The following ENC1 variants were observed in gnomAD, a reference collection of about 807,000 sequenced individuals.
The protein encoded by ENC1 is ectoderm-neural cortex protein 1.
A neutral mutation model predicts 40.9 loss-of-function variants in ENC1; 19 were observed. The observed-to-expected ratio is 0.46, with a 90% CI of 0.32 to 0.68. The LOEUF is 0.68. Among genes scored for constraint, ENC1 ranks in the 30% least tolerant of loss-of-function variants. ENC1 has a pLI of 0.03. For synonymous variants in ENC1, 285 were observed against 291.1 expected (o/e 0.98, Z 0.21); for missense variants, 479 against 737.5 (o/e 0.65, Z 4.06).
intron 2 of ENC1, chr5:74,632,323 TATCTCAA>T (rs1164449513): frequency 6.6e-6 from 1 of 152,244 alleles, no homozygotes; most frequent in African/African-American, 2.4e-5. Flanking sequence ...CATGCATTCA[TATCTCAA>T]ATGAAATAAC....
chr5:74,634,937 G>T lies in ENC1; in HGVS notation c.1549C>A (p.Gln517Lys). The T allele has an allele frequency of 6.2e-7, 1 of 1,614,076 alleles. No individual in the cohort carries two copies. The highest frequency in any genetic ancestry group is 1.1e-5 in the South Asian group (1 of 91,066). ...GTCACATCTCCCACCTTGGTCCACTGGTAAGTCTCACTGTTGAATTTATAA... is the reference window on the plus strand; with the variant it reads ...GTCACATCTCCCACCTTGGTCCACTTGTAAGTCTCACTGTTGAATTTATAA... ...SAYKFNSETY[Q>K]WTKVGDVTAK... Residue 517 changes from glutamine to lysine, a missense_variant, in exon 2 of 3, where the codon CAG (glutamine) becomes AAG (lysine). Coordinates refer to ENST00000302351, the MANE Select transcript of ENC1 (RefSeq NM_003633.4).
chr5:74,638,519 T>C (rs1747695121), intron 1 of ENC1, among the ~76,000 whole-genome samples: 1 of 152,168 alleles, frequency 6.6e-6, no homozygotes. Flanking sequence ...ACTTGAGATA[T>C]AAAAAATGGT....
At chr5:74,631,804 T>C (rs1449674319) in intron 2 of ENC1, among the ~76,000 whole-genome samples, 1 of 152,152 alleles carries the variant, frequency 6.6e-6, no homozygotes, top group East Asian at 1.9e-4. Context: ...CACTCTGGGC[T>C]GAAAAAGGAG....
chr5:74,635,577 CT>C lies in ENC1; in HGVS notation c.908del (p.Gln303ArgfsTer11). On this transcript the variant is annotated frameshift_variant, in exon 2 of 3. Transcript: ENST00000302351. LOFTEE classifies it high-confidence loss of function. The surrounding 1 kb of genome is among the most constrained non-coding windows in gnomAD (Gnocchi z 5.5). ...TGHALFLLGG[Q>X]TFMCDKLYLV... ...GATACAACTTGTCACACATGAAAGTCTGTCCTCCCAGAAGGAAGAGGGCATG... is the reference window on the plus strand; with the variant it reads ...GATACAACTTGTCACACATGAAAGTCGTCCTCCCAGAAGGAAGAGGGCATG... The C allele has an allele frequency of 6.2e-7, 1 of 1,614,240 alleles. No homozygotes were observed. Among genetic ancestry groups the C allele is most frequent in the Non-Finnish European group, 8.5e-7 (1 of 1,180,050 alleles).
At chr5:74,637,290 T>C (rs1747636719) in intron 1 of ENC1, among the ~76,000 whole-genome samples, 2 of 152,176 alleles carry the variant, frequency 1.3e-5, no homozygotes, top group Admixed American at 1.3e-4. Flanking sequence ...TAATTTTTTG[T>C]ATTTTTTGTA....
Position 74,635,265 on chromosome 5 carries a change from G to A in ENC1, c.1221C>T (p.Pro407=), listed in dbSNP as rs765020924. Residue 407 remains proline (P), a synonymous_variant, in exon 2 of 3, where the codon CCC becomes CCT. Transcript: ENST00000302351. This position sits in a 1 kb window ranked among gnomAD's most constrained non-coding sequence, Gnocchi z 5.5. ...GTTCTACCTGCTTTAGAGAGACTGA[G>A]GGGGAGGCCGGGAGGCAGCCAGTTG... ...TAATGCLPAS[P]SVSLKQVEHY... 2.5e-6 allele frequency: 4 copies of A among 1,614,210 alleles called. No homozygotes were observed. The South Asian group carries it at 3.3e-5, about 13-fold the overall frequency.
In ENC1 at chr5:74,635,291, C is replaced by A; in HGVS notation, c.1195G>T (p.Ala399Ser). Reference protein sequence around the residue: ...CLYVVGGHTAATGCLPASPSV... With the variant: ...CLYVVGGHTASTGCLPASPSV... ...GGGGAGGCCGGGAGGCAGCCAGTTG[C>A]GGCCGTGTGCCCCCCAACCACATAC... The change falls in exon 2 of 3, where the codon GCA becomes TCA. Residue 399 changes from alanine to serine, a missense_variant. By Grantham distance (99) the Ala-to-Ser change is moderately conservative. Transcript: ENST00000302351. The surrounding 1 kb of genome is among the most constrained non-coding windows in gnomAD (Gnocchi z 5.5). The A allele has an allele frequency of 6.2e-7, 1 of 1,614,188 alleles. No homozygotes were observed. The highest frequency in any genetic ancestry group is 8.5e-7 in the Non-Finnish European group (1 of 1,180,036).
chr5:74,635,347 C>G lies in ENC1; in HGVS notation c.1139G>C (p.Gly380Ala), dbSNP rs1747542647. The G allele has an allele frequency of 6.2e-7, 1 of 1,614,174 alleles. No individual in the cohort carries two copies. The highest frequency in any genetic ancestry group is 8.5e-7 in the Non-Finnish European group (1 of 1,180,042). Residue 380 changes from glycine (G) to alanine (A), a missense_variant, in exon 2 of 3, where the codon GGC (glycine) becomes GCC (alanine). Transcript: ENST00000302351. The surrounding 1 kb of genome is among the most constrained non-coding windows in gnomAD (Gnocchi z 5.5). ...KAAPMLVARFGHGSAELKHCL... is the reference protein window; with the variant it reads ...KAAPMLVARFAHGSAELKHCL... ...GTGCTTCAGTTCAGCAGAGCCATGGCCAAACCTGGCCACCAGCATGGGGGC... is the reference window on the plus strand; with the variant it reads ...GTGCTTCAGTTCAGCAGAGCCATGGGCAAACCTGGCCACCAGCATGGGGGC...
At position 74,629,742 on chromosome 5, in the gene ENC1, T is replaced by G. The variant is rs1747327116; in HGVS notation, c.*283A>C. ...CTCCCTTTGAGGGGCTGATTAACAT[T>G]GACATTAATCCACAATTACAAGACA... On this transcript the variant is annotated 3_prime_UTR_variant, in exon 3 of 3. Coordinates refer to ENST00000302351, the MANE Select transcript of ENC1 (RefSeq NM_003633.4). 6.6e-6 allele frequency: 1 copy of G among 152,174 alleles called. No homozygotes were observed. The highest frequency in any genetic ancestry group is 2.4e-5 in the African/African-American group (1 of 41,428). The allele number at this position is 152,174 out of a possible 1,614,324, so 9.4% of individuals were successfully genotyped here.
Position 74,635,947 on chromosome 5 carries a change from C to A in ENC1, c.539G>T (p.Arg180Met). 6.2e-7 allele frequency: 1 copy of A among 1,614,146 alleles called. No individual in the cohort carries two copies. The highest frequency in any genetic ancestry group is 8.5e-7 in the Non-Finnish European group (1 of 1,180,038). Residue 180 changes from arginine to methionine, a missense_variant, in exon 2 of 3, where the codon AGG becomes ATG. By Grantham distance (91) the Arg-to-Met change is moderately conservative. Transcript: ENST00000302351. The surrounding 1 kb of genome is among the most constrained non-coding windows in gnomAD (Gnocchi z 5.5). The part of the protein sequence containing the change: ...RMCLSNFQTI[R>M]KNEDFLQLPQ... ...CAGCTGGAGGAAATCTTCATTCTTCCTGATGGTTTGGAAGTTGCTGAGACA... is the reference window on the plus strand; with the variant it reads ...CAGCTGGAGGAAATCTTCATTCTTCATGATGGTTTGGAAGTTGCTGAGACA...
In ENC1 at chr5:74,634,926, C is replaced by T. The variant is rs300239; in HGVS notation, c.1560G>A (p.Lys520=). Residue 520 remains lysine (K), a synonymous_variant, in exon 2 of 3, where the codon AAG becomes AAA. Coordinates refer to ENST00000302351, the MANE Select transcript of ENC1 (RefSeq NM_003633.4). ...KFNSETYQWT[K]VGDVTAKRMS... ...TGCGCTTTGCTGTCACATCTCCCAC[C>T]TTGGTCCACTGGTAAGTCTCACTGT... is the stretch of plus-strand genomic sequence containing the variant. The T allele has an allele frequency of 0.64, 1,031,654 of 1,613,538 alleles. 331,446 individuals carry two copies. Among genetic ancestry groups the T allele is most frequent in the Admixed American group, 0.75 (44,989 of 60,008 alleles).
Position 74,637,259 on chromosome 5 carries a change from G to C in ENC1, c.-13-761C>G, listed in dbSNP as rs370869908. ...GCCTTCCGAGTAGCTGGCACTAAAG[G>C]TGTGCACCACCAAACCCAGATAATT... On this transcript the variant is annotated intron_variant, in intron 1 of 2. Coordinates refer to ENST00000302351, the MANE Select transcript of ENC1 (RefSeq NM_003633.4). Among the ~76,000 whole-genome samples the C allele has an allele frequency of 5.3e-5, 8 of 152,158 alleles. No homozygotes were observed. The South Asian group carries it at 1.7e-3, about 32-fold the overall frequency.
In ENC1 at chr5:74,629,597, G is replaced by A. The variant is rs1172864454; in HGVS notation, c.*428C>T. ...ATCTCCAGCAGCAGCTGGTGTGGAG[G>A]CTTCAAGCTCTGTCCTCAGAGAGAG... On this transcript the variant is annotated 3_prime_UTR_variant, in exon 3 of 3. Transcript: ENST00000302351. 6.6e-6 allele frequency: 1 copy of A among 152,226 alleles called. No homozygotes were observed. The highest frequency in any genetic ancestry group is 1.5e-5 in the Non-Finnish European group (1 of 68,060). The allele number at this position is 152,226 out of a possible 1,614,324, so 9.4% of individuals were successfully genotyped here. A position where few individuals can be genotyped will look rare whatever the true frequency, so the allele number is the denominator to read the frequency against.
intron 2 of ENC1, among the ~76,000 whole-genome samples, chr5:74,634,305 G>C (rs1383465832): frequency 6.6e-6 from 1 of 152,060 alleles, no homozygotes; most frequent in Admixed American, 6.5e-5. Context: ...CCAGCTATTC[G>C]GGAGGCTGAG....
At chr5:74,630,229 G>A (rs1483552490) in intron 2 of ENC1, among the ~76,000 whole-genome samples, 8 of 152,308 alleles carry the variant, frequency 5.3e-5, no homozygotes, top group African/African-American at 1.9e-4. Context: ...CATGCAGATG[G>A]CTGGCCTGAC....
rs1343454973 is a variant in ENC1 at position 74,635,541 on chromosome 5, C to T, written c.945G>A (p.Gln315=). Residue 315 remains glutamine (Q), a synonymous_variant, in exon 2 of 3, where the codon CAG becomes CAA. Coordinates refer to ENST00000302351, the MANE Select transcript of ENC1 (RefSeq NM_003633.4). This position sits in a 1 kb window ranked among gnomAD's most constrained non-coding sequence, Gnocchi z 5.5. ...FMCDKLYLVD[Q]KAKEIIPKAD... The stretch of plus-strand genomic sequence containing the variant: ...CCTTGGGAATGATTTCTTTGGCCTT[C>T]TGGTCTACCAGATACAACTTGTCAC... The T allele has an allele frequency of 3.7e-6, 6 of 1,614,242 alleles. No homozygotes were observed. The highest frequency in any genetic ancestry group is 4.2e-6 in the Non-Finnish European group (5 of 1,180,052).
intron 2 of ENC1, among the ~76,000 whole-genome samples, chr5:74,630,808 C>G (rs915185695): frequency 6.6e-6 from 1 of 152,186 alleles, no homozygotes; most frequent in Admixed American, 6.5e-5. Context: ...GGAAATTGTG[C>G]AGAGGGCTTT....
At chr5:74,633,163 T>G (rs1747450862) in intron 2 of ENC1, among the ~76,000 whole-genome samples, 1 of 152,202 alleles carries the variant, frequency 6.6e-6, no homozygotes, top group East Asian at 1.9e-4. Flanking sequence ...AGTCAACACA[T>G]CCTGTGTGCG....
chr5:74,636,309 G>A lies in ENC1; in HGVS notation c.177C>T (p.Cys59=), dbSNP rs767895962. Residue 59 remains cysteine (C), a synonymous_variant, in exon 2 of 3, where the codon TGC becomes TGT. Transcript: ENST00000302351. This position sits in a 1 kb window ranked among gnomAD's most constrained non-coding sequence, Gnocchi z 4.8. ...LLHAGNRTFP[C]HRAVLAACSR... ...TGCATGCAGCCAGCACTGCCCGGTG[G>A]CAAGGGAAGGTCCTATTTCCGGCAT... is the stretch of plus-strand genomic sequence containing the variant. 3 of 1,614,054 alleles carry A rather than the reference G, an allele frequency of 1.9e-6. No individual in the cohort carries two copies. The highest frequency in any genetic ancestry group is 2.7e-5 in the African/African-American group (2 of 74,924).
Sources: gnomAD v4.1 joint callset for allele counts (sites outside exome capture counted in the v4.1 genomes callset) on GRCh38, gnomAD v4.1.1 for gene constraint, Gnocchi (gnomAD v3.1) non-coding constraint, MANE v1.5 for transcripts, NCBI Gene and HGNC (gene_info 2026-07-23, HGNC 2026-07-21) for gene names.